PTPRR: variants seen among roughly 807,000 people sequenced by gnomAD.
The protein encoded by PTPRR is protein tyrosine phosphatase receptor type R, also known as receptor-type tyrosine-protein phosphatase R.
PTPRR carries 38 observed loss-of-function variants against 77.2 expected under a neutral mutation model. The observed-to-expected ratio is 0.49, with a 90% CI of 0.38 to 0.65. PTPRR has a LOEUF of 0.65. Among genes scored for constraint, PTPRR ranks in the 30% least tolerant of loss-of-function variants. The pLI is 0.00. For synonymous variants in PTPRR, 299 were observed against 283.1 expected (o/e 1.06, Z -0.57); for missense variants, 744 against 799.2 (o/e 0.93, Z 0.83).
intron 10 of PTPRR, among the ~76,000 whole-genome samples, chr12:70,663,462 T>TA (rs1217746495): frequency 1.3e-5 from 2 of 152,202 alleles, no homozygotes; most frequent in Non-Finnish European, 2.9e-5. Flanking sequence ...AGTAAGCACT[T>TA]ACAACATGTT....
intron 2 of PTPRR, among the ~76,000 whole-genome samples, chr12:70,841,119 T>C (rs907295155): frequency 6.6e-6 from 1 of 152,000 alleles, no homozygotes; most frequent in East Asian, 1.9e-4. Context: ...AGAAAAGCCA[T>C]ATGGTCAGAA....
At chr12:70,898,901 T>C (rs1252447092) in intron 1 of PTPRR, among the ~76,000 whole-genome samples, 1 of 151,398 alleles carries the variant, frequency 6.6e-6, no homozygotes, top group Non-Finnish European at 1.5e-5. Context: ...AGGGATATCA[T>C]TACGGACTTA....
chr12:70,678,320 C>T (rs952044672), intron 10 of PTPRR, among the ~76,000 whole-genome samples: 2 of 152,192 alleles, frequency 1.3e-5, no homozygotes, highest in Non-Finnish European at 1.5e-5. Context: ...GGGTTACAGG[C>T]GTGAGCCACA....
chr12:70,698,185 T>C, intron 8 of PTPRR, 80 bp downstream of exon 8: 1 of 1,220,756 alleles, frequency 8.2e-7, no homozygotes, highest in African/African-American at 1.5e-5. Flanking sequence ...CAACCCATCA[T>C]CTACATTAGG....
intron 2 of PTPRR, among the ~76,000 whole-genome samples, chr12:70,854,001 A>G (rs1000215627): frequency 6.6e-6 from 1 of 152,210 alleles, no homozygotes; most frequent in African/African-American, 2.4e-5. Context: ...CATCATTATT[A>G]TCATTATTAC....
chr12:70,795,296 T>C (rs1406843789), intron 2 of PTPRR, among the ~76,000 whole-genome samples: 1 of 152,226 alleles, frequency 6.6e-6, no homozygotes, highest in Non-Finnish European at 1.5e-5. Flanking sequence ...TCTTTCTAAA[T>C]ATAACTGTAA....
At chr12:70,790,463 G>T (rs1308051563) in intron 2 of PTPRR, among the ~76,000 whole-genome samples, 1 of 151,856 alleles carries the variant, frequency 6.6e-6, no homozygotes, top group African/African-American at 2.4e-5. Flanking sequence ...AGTTCCCTTT[G>T]CTTATTTGTC....
chr12:70,655,201 C>T (rs1465744364), intron 13 of PTPRR, among the ~76,000 whole-genome samples: 1 of 152,174 alleles, frequency 6.6e-6, no homozygotes, highest in African/African-American at 2.4e-5. Flanking sequence ...CCATCTCACC[C>T]TCATAAGGAT....
At chr12:70,660,213 T>TAAAG (rs886933610) in intron 12 of PTPRR, among the ~76,000 whole-genome samples, 1 of 143,482 alleles carries the variant, frequency 7.0e-6, no homozygotes, top group African/African-American at 2.5e-5. Context: ...AATAAATAAA[T>TAAAG]AGTTGTTCAT....
At chr12:70,771,444 G>A (rs1890975025) in intron 2 of PTPRR, among the ~76,000 whole-genome samples, 1 of 152,022 alleles carries the variant, frequency 6.6e-6, no homozygotes, top group Admixed American at 6.6e-5. Context: ...TGTGTGCTGT[G>A]CTCACTGCCT....
chr12:70,792,535 T>C (rs931146684), intron 2 of PTPRR, among the ~76,000 whole-genome samples: 15 of 152,176 alleles, frequency 9.9e-5, no homozygotes, highest in Non-Finnish European at 1.9e-4. Context: ...TTCAAACTTA[T>C]ATCTTGCAAT....
intron 6 of PTPRR, among the ~76,000 whole-genome samples, chr12:70,739,135 C>T (rs1889966542): frequency 1.3e-5 from 2 of 152,134 alleles, no homozygotes; most frequent in Non-Finnish European, 2.9e-5. Context: ...ATGACAGGCT[C>T]AACTGTAGCA....
chr12:70,887,837 G>A (rs1312697741), intron 2 of PTPRR, among the ~76,000 whole-genome samples: 1 of 152,006 alleles, frequency 6.6e-6, no homozygotes, highest in East Asian at 1.9e-4. Flanking sequence ...GAAAACCCAA[G>A]TATCCTCCAG....
chr12:70,802,736 CTT>C (rs1263918449), intron 2 of PTPRR, among the ~76,000 whole-genome samples: 1 of 152,138 alleles, frequency 6.6e-6, no homozygotes, highest in East Asian at 1.9e-4. Context: ...GATTCTTTCT[CTT>C]TGTTTCCAAC....
intron 1 of PTPRR, among the ~76,000 whole-genome samples, chr12:70,917,281 T>C (rs1893788774): frequency 6.6e-6 from 1 of 152,164 alleles, no homozygotes; most frequent in African/African-American, 2.4e-5. Context: ...AGGTAAAAAG[T>C]ATTTTGCACC....
chr12:70,661,375 A>G (rs1886794759), intron 11 of PTPRR, among the ~76,000 whole-genome samples: 1 of 152,086 alleles, frequency 6.6e-6, no homozygotes, highest in Non-Finnish European at 1.5e-5. Context: ...TGCTAAATAT[A>G]TATTTATAAT....
chr12:70,846,212 T>C (rs1892480628), intron 2 of PTPRR, among the ~76,000 whole-genome samples: 1 of 152,178 alleles, frequency 6.6e-6, no homozygotes, highest in African/African-American at 2.4e-5. Flanking sequence ...AGAAAACGCT[T>C]CCTTTCCACT....
chr12:70,769,958 G>A (rs1890929275), intron 2 of PTPRR, among the ~76,000 whole-genome samples: 1 of 152,092 alleles, frequency 6.6e-6, no homozygotes, highest in Non-Finnish European at 1.5e-5. Flanking sequence ...CTAGCCATAT[G>A]TAGAAAGCTG....
At chr12:70,717,781 G>A (rs949644921) in intron 6 of PTPRR, among the ~76,000 whole-genome samples, 2 of 152,128 alleles carry the variant, frequency 1.3e-5, no homozygotes, top group African/African-American at 4.8e-5. Context: ...GCAGGGATTT[G>A]TAGGTGTGAA....
Sources: gnomAD v4.1 joint callset for allele counts (sites outside exome capture counted in the v4.1 genomes callset) on GRCh38, gnomAD v4.1.1 for gene constraint, MANE v1.5 for transcripts, NCBI Gene and HGNC (gene_info 2026-07-23, HGNC 2026-07-21) for gene names.